Variants in WASHC5 observed in about 807,000 individuals in gnomAD.
WASHC5 encodes WASH complex subunit 5, also known as WASH complex subunit strumpellin.
Under a neutral mutation model 150.4 loss-of-function variants are expected in WASHC5, and 101 were observed. The ratio of observed to expected loss-of-function variants is 0.67; its 90% CI spans 0.57 to 0.79. The LOEUF is 0.79. Among genes scored for constraint, WASHC5 ranks in the 30% least tolerant of loss-of-function variants. WASHC5 has a pLI of 0.00. For synonymous variants in WASHC5, 467 were observed against 491.2 expected, an observed-to-expected ratio of 0.95 and a Z score of 0.65; for missense variants, 1,195 against 1,396.3, an observed-to-expected ratio of 0.86 and a Z score of 2.30.
At chr8:125,084,235 T>G (rs973818857) in intron 1 of WASHC5, among the ~76,000 whole-genome samples, 3 of 152,216 alleles carry the variant, frequency 2.0e-5, no homozygotes, top group African/African-American at 7.2e-5. Flanking sequence ...CTTCAACATG[T>G]TAGTCACTTC....
chr8:125,053,882 G>A (rs1045285635), intron 17 of WASHC5, among the ~76,000 whole-genome samples: 3 of 152,160 alleles, frequency 2.0e-5, no homozygotes, highest in African/African-American at 7.2e-5. Flanking sequence ...ATTAGAAAGT[G>A]GATAATATCA....
intron 9 of WASHC5, among the ~76,000 whole-genome samples, chr8:125,070,558 T>C (rs904473901): frequency 6.6e-6 from 1 of 152,222 alleles, no homozygotes; most frequent in African/African-American, 2.4e-5. Flanking sequence ...CAGTTGGTTT[T>C]ATGACAGGAT....
At chr8:125,070,382 G>A (rs974067349) in intron 9 of WASHC5, among the ~76,000 whole-genome samples, 1 of 152,314 alleles carries the variant, frequency 6.6e-6, no homozygotes, top group East Asian at 1.9e-4. Context: ...AGGCACAAAC[G>A]CAAAAGACAA....
At chr8:125,031,136 C>T (rs572622761) in intron 27 of WASHC5, among the ~76,000 whole-genome samples, 36 of 152,304 alleles carry the variant, frequency 2.4e-4, no homozygotes, top group African/African-American at 8.4e-4. Context: ...AGTGTTCCAG[C>T]AGTGGCTGCA....
chr8:125,076,211 C>T (rs968970935), intron 7 of WASHC5, 137 bp downstream of exon 7: 11 of 771,846 alleles, frequency 1.4e-5, no homozygotes, highest in Non-Finnish European at 2.2e-5. Context: ...ATTCTCAATA[C>T]AGTTAGAGCA....
intron 27 of WASHC5, among the ~76,000 whole-genome samples, chr8:125,028,939 C>T (rs564312797): frequency 6.6e-6 from 1 of 152,112 alleles, no homozygotes; most frequent in South Asian, 2.1e-4. Context: ...TGGGCGTTTA[C>T]AACACGATCC....
chr8:125,081,437 C>A (rs1273583069), intron 5 of WASHC5, among the ~76,000 whole-genome samples: 4 of 152,068 alleles, frequency 2.6e-5, no homozygotes, highest in African/African-American at 9.7e-5. Flanking sequence ...AGGGTTTCAC[C>A]ATGTTGGCCA....
At chr8:125,088,447 G>C (rs1817490191) in intron 1 of WASHC5, among the ~76,000 whole-genome samples, 1 of 151,220 alleles carries the variant, frequency 6.6e-6, no homozygotes, top group Admixed American at 6.6e-5. Context: ...GGGGGAGGGG[G>C]GGAAGGAAAT....
intron 7 of WASHC5, among the ~76,000 whole-genome samples, chr8:125,075,979 C>T (rs914865265): frequency 6.6e-6 from 1 of 152,118 alleles, no homozygotes; most frequent in African/African-American, 2.4e-5. Flanking sequence ...AGTGAAATTC[C>T]TATTCACAAA....
chr8:125,039,202 T>C (rs892593374), intron 24 of WASHC5, among the ~76,000 whole-genome samples: 1 of 152,222 alleles, frequency 6.6e-6, no homozygotes, highest in Non-Finnish European at 1.5e-5. Flanking sequence ...TTTTCATGTA[T>C]TGACTGAACT....
intron 9 of WASHC5, among the ~76,000 whole-genome samples, chr8:125,068,478 C>G (rs1816812292): frequency 6.6e-6 from 1 of 152,194 alleles, no homozygotes; most frequent in Non-Finnish European, 1.5e-5. Context: ...GAAGCTTGTG[C>G]CTCATTCCTC....
chr8:125,078,273 C>T (rs1243967196), intron 6 of WASHC5, among the ~76,000 whole-genome samples: 1 of 152,136 alleles, frequency 6.6e-6, no homozygotes, highest in Non-Finnish European at 1.5e-5. Flanking sequence ...CCTTTTGTCA[C>T]CTGTTGTGAC....
At chr8:125,075,440 T>C (rs1480115500) in intron 7 of WASHC5, among the ~76,000 whole-genome samples, 19 of 152,244 alleles carry the variant, frequency 1.2e-4, no homozygotes, top group Admixed American at 1.2e-3. Context: ...CCCTTCATTT[T>C]CACTGTGCTA....
At chr8:125,039,920 A>G (rs759570613) in intron 23 of WASHC5, 22 bp from the exon 24 acceptor site, 2 of 1,513,768 alleles carry the variant, frequency 1.3e-6, no homozygotes, top group Non-Finnish European at 1.8e-6. Context: ...CAAGAGAAAG[A>G]ACAGGTAGTG....
rs757024882 is a variant in WASHC5, at chr8:125,059,510, C to A, written c.1554G>T (p.Leu518=). 4 of 1,613,670 alleles carry A rather than the reference C, an allele frequency of 2.5e-6. No individual in the cohort carries two copies. The highest frequency in any genetic ancestry group is 2.5e-6 in the Non-Finnish European group (3 of 1,179,934). The change falls in exon 13 of 29, where the codon CTG becomes CTT. Residue 518 remains leucine, a synonymous_variant. Coordinates refer to ENST00000318410, the MANE Select transcript of WASHC5 (RefSeq NM_014846.4). The stretch of plus-strand genomic sequence containing the variant: ...TATCGGCAAGAAACTGACATACTTG[C>A]AGATTGGATTCCAACTGGTGGAATT... ...VQEFHQLESN[L]QVCQFLADTR... is the part of the protein sequence containing the mutation.
chr8:125,063,257 A>G (rs1035916886), intron 11 of WASHC5, among the ~76,000 whole-genome samples: 5 of 152,180 alleles, frequency 3.3e-5, no homozygotes, highest in African/African-American at 1.2e-4. Context: ...TGGAGTTACC[A>G]AAACCCCTGG....
chr8:125,035,839 T>G (rs1815687738), intron 26 of WASHC5, among the ~76,000 whole-genome samples: 1 of 152,260 alleles, frequency 6.6e-6, no homozygotes, highest in South Asian at 2.1e-4. Flanking sequence ...GGAAGAAATA[T>G]ATTTAGGAAT....
chr8:125,033,887 T>C lies in WASHC5; in HGVS notation c.3182-1493A>G, dbSNP rs535446213. Among the ~76,000 whole-genome samples, 26 of 151,872 alleles carry C rather than the reference T, an allele frequency of 1.7e-4. No individual in the cohort carries two copies. In the South Asian group the frequency reaches 5.2e-3, roughly 30 times the overall value. On this transcript the variant is annotated intron_variant, in intron 26 of 28. Coordinates refer to ENST00000318410, the MANE Select transcript of WASHC5 (RefSeq NM_014846.4). Reference sequence around the variant, plus strand: ...TAGACAAGACAAAAAAGAATAATTATAAAGGAAAAAAATGGATAAACTGGA... The same window carrying C: ...TAGACAAGACAAAAAAGAATAATTACAAAGGAAAAAAATGGATAAACTGGA...
In WASHC5 at chr8:125,039,894, C is replaced by T; in HGVS notation, c.2855G>A (p.Gly952Glu). The T allele has an allele frequency of 6.2e-7, 1 of 1,609,352 alleles. No homozygotes were observed. Among genetic ancestry groups the T allele is most frequent in the Non-Finnish European group, 8.5e-7 (1 of 1,176,338 alleles). Reference protein sequence around the residue: ...TAYLEAIMKVGQMQILRQQIA... With the variant: ...TAYLEAIMKVEQMQILRQQIA... The stretch of plus-strand genomic sequence containing the variant: ...CTGTTGTCTCAGAATCTGCATCTGC[C>T]CAACCTGTGCACAAGCAAGAGAAAG... Residue 952 changes from glycine to glutamate, a missense_variant, in exon 24 of 29, where the codon GGG becomes GAG. Physicochemically the swap from Gly to Glu is moderately conservative, Grantham distance 98. Transcript: ENST00000318410.
Sources: allele counts gnomAD v4.1 joint callset (sites outside exome capture counted in the v4.1 genomes callset), GRCh38; gene constraint gnomAD v4.1.1; transcripts MANE v1.5; gene names NCBI Gene and HGNC (gene_info 2026-07-23, HGNC 2026-07-21).